SCAF11: variants seen among roughly 807,000 people sequenced by gnomAD.
The protein encoded by SCAF11 is protein SCAF11.
A neutral mutation model predicts 140.5 loss-of-function variants in SCAF11; 47 were observed. The observed-to-expected ratio is 0.33, with a 90% CI of 0.26 to 0.43. The LOEUF is 0.43. Ranked by LOEUF, SCAF11 falls within the 20% of genes least tolerant of loss-of-function variation. The pLI, the probability that SCAF11 is intolerant of heterozygous loss-of-function variation, is 1.00. For synonymous variants in SCAF11, 557 were observed against 579.4 expected (o/e 0.96, Z 0.55); for missense variants, 1,645 against 1,705.1 (o/e 0.96, Z 0.62).
chr12:45,950,797 T>C (rs1011790814), intron 4 of SCAF11, among the ~76,000 whole-genome samples: 3 of 152,142 alleles, frequency 2.0e-5, no homozygotes. Context: ...AATTAAATAG[T>C]TGTACATTGC....
intron 1 of SCAF11, among the ~76,000 whole-genome samples, chr12:45,987,974 TA>T (rs1267574978): frequency 1.1e-4 from 16 of 152,292 alleles, no homozygotes; most frequent in African/African-American, 3.4e-4. Flanking sequence ...AGACACAACT[TA>T]AAAAAATACA....
intron 3 of SCAF11, among the ~76,000 whole-genome samples, chr12:45,957,380 T>G (rs764142120): frequency 1.1e-4 from 17 of 152,184 alleles, no homozygotes; most frequent in Non-Finnish European, 1.5e-5. Flanking sequence ...AGTCCAGATA[T>G]AAGTCAAGAA....
At position 45,978,273 on chromosome 12, in the gene SCAF11, G is replaced by C. The variant is rs540175390; in HGVS notation, c.-22+12080C>G. Among the ~76,000 whole-genome samples the C allele has an allele frequency of 1.2e-4, 18 of 152,228 alleles. 1 individual carries two copies. In the South Asian group the frequency reaches 3.5e-3, roughly 30 times the overall value. ...AGTTATGGAGGACAGAACACAAAGA[G>C]TTGGTTACACAATCTTCATTTATCC... On this transcript the variant is annotated intron_variant, in intron 1 of 14. Coordinates refer to ENST00000369367, the MANE Select transcript of SCAF11 (RefSeq NM_004719.3).
chr12:45,922,339 A>C, intron 14 of SCAF11, 124 bp downstream of exon 14: 1 of 1,482,578 alleles, frequency 6.7e-7, no homozygotes, highest in Non-Finnish European at 9.1e-7. Flanking sequence ...ATCAAAAGGC[A>C]AAAAAGTAGA....
At chr12:45,962,871 A>G (rs1945860210) in intron 2 of SCAF11, among the ~76,000 whole-genome samples, 1 of 152,248 alleles carries the variant, frequency 6.6e-6, no homozygotes, top group South Asian at 2.1e-4. Context: ...GCCCTCATAG[A>G]TTTAATTTAT....
intron 6 of SCAF11, among the ~76,000 whole-genome samples, chr12:45,936,239 T>A (rs1451527360): frequency 6.6e-6 from 1 of 151,988 alleles, no homozygotes; most frequent in East Asian, 1.9e-4. Context: ...CCTCCCAGGT[T>A]CAAGCAATTC....
At chr12:45,933,719 T>C (rs1945107980) in intron 8 of SCAF11, among the ~76,000 whole-genome samples, 1 of 152,160 alleles carries the variant, frequency 6.6e-6, no homozygotes, top group Admixed American at 6.5e-5. Context: ...CACAATCGTA[T>C]TCTGTGCTGC....
intron 12 of SCAF11, among the ~76,000 whole-genome samples, 182 bp downstream of exon 12, chr12:45,924,546 A>T (rs531200017): frequency 6.6e-6 from 1 of 152,262 alleles, no homozygotes; most frequent in South Asian, 2.1e-4. Context: ...TTAATTTTCT[A>T]ATTTGGGAGT....
chr12:45,945,407 C>CT, intron 5 of SCAF11, 94 bp from the exon 6 acceptor site: 1 of 717,340 alleles, frequency 1.4e-6, no homozygotes, highest in Non-Finnish European at 2.4e-6. Context: ...AAAATGAAAT[C>CT]TATCATGCAC....
intron 1 of SCAF11, among the ~76,000 whole-genome samples, chr12:45,972,654 A>G (rs1176525912): frequency 6.7e-6 from 1 of 149,932 alleles, no homozygotes; most frequent in East Asian, 1.9e-4. Context: ...TAGCATTTAA[A>G]CAAAAGACAA....
intron 1 of SCAF11, among the ~76,000 whole-genome samples, chr12:45,967,112 G>A (rs1167283822): frequency 6.6e-6 from 1 of 151,884 alleles, no homozygotes; most frequent in African/African-American, 2.4e-5. Flanking sequence ...TTAAAGTGGG[G>A]TGCATTGGTA....
chr12:45,981,023 A>G (rs1421154091), intron 1 of SCAF11, among the ~76,000 whole-genome samples: 1 of 152,218 alleles, frequency 6.6e-6, no homozygotes, highest in Non-Finnish European at 1.5e-5. Context: ...AAATTAACAA[A>G]ATAAAGAAAT....
intron 4 of SCAF11, among the ~76,000 whole-genome samples, chr12:45,950,917 T>C (rs941191806): frequency 1.3e-5 from 2 of 152,164 alleles, no homozygotes; most frequent in African/African-American, 4.8e-5. Flanking sequence ...ATGTTTATAT[T>C]GAGTACTCTC....
Position 45,931,500 on chromosome 12 carries a change from CTTTACCAAAATG to C in SCAF11, c.835_841+5del, listed in dbSNP as rs773746902. 7.4e-7 allele frequency: 1 copy of C among 1,358,336 alleles called. No homozygotes were observed. Among genetic ancestry groups the C allele is most frequent in the Admixed American group, 2.8e-5 (1 of 35,526 alleles). The allele number at this position is 1,358,336 out of a possible 1,614,324, so 84.1% of individuals were successfully genotyped here. ...TTAAAATAGAAAATGATTTCACAAA[CTTTACCAAAATG>C]TTCGAAAGATATGGTACTTGTTGGA... On this transcript the variant is annotated splice_donor_variant and splice_donor_5th_base_variant and coding_sequence_variant and intron_variant, in exon 10 of 15. Coordinates refer to ENST00000369367, the MANE Select transcript of SCAF11 (RefSeq NM_004719.3). LOFTEE classifies it high-confidence loss of function.
At chr12:45,987,279 T>C (rs1218959284) in intron 1 of SCAF11, among the ~76,000 whole-genome samples, 1 of 152,170 alleles carries the variant, frequency 6.6e-6, no homozygotes, top group Non-Finnish European at 1.5e-5. Flanking sequence ...CAAGGACCCC[T>C]GAAATGAACA....
chr12:45,950,719 G>C (rs1945530488), intron 4 of SCAF11, among the ~76,000 whole-genome samples: 2 of 152,064 alleles, frequency 1.3e-5, no homozygotes, highest in South Asian at 4.1e-4. Context: ...TTTGTACCTT[G>C]CATCAAGATT....
chr12:45,964,461 A>T (rs1945896015), intron 1 of SCAF11, among the ~76,000 whole-genome samples: 1 of 152,226 alleles, frequency 6.6e-6, no homozygotes, highest in Admixed American at 6.5e-5. Flanking sequence ...AGTTCAGGAG[A>T]TCGAGACCAT....
chr12:45,935,795 C>T (rs959316129), intron 6 of SCAF11, among the ~76,000 whole-genome samples: 2 of 152,172 alleles, frequency 1.3e-5, no homozygotes, highest in African/African-American at 2.4e-5. Context: ...TCACATATTT[C>T]TGGGTAATTC....
Position 45,945,262 on chromosome 12 carries a change from C to G in SCAF11, c.450G>C (p.Leu150Phe), listed in dbSNP as rs1366310957. The change falls in exon 6 of 15, where the codon TTG (leucine) becomes TTC (phenylalanine). Residue 150 changes from leucine (L) to phenylalanine (F), a missense_variant. By Grantham distance (22) the Leu-to-Phe change is conservative. Transcript: ENST00000369367. The stretch of plus-strand genomic sequence containing the variant: ...AAAGTAACTTACTATGTATCCACTT[C>G]AAGTCACAAACTTTTGCACTTAATA... Reference protein sequence around the residue: ...EDLLSAKVCDLKWIHRNSLYS... With the variant: ...EDLLSAKVCDFKWIHRNSLYS... 6.3e-7 allele frequency: 1 copy of G among 1,577,456 alleles called. No homozygotes were observed. Among genetic ancestry groups the G allele is most frequent in the Admixed American group, 1.9e-5 (1 of 52,516 alleles).
Sources: gnomAD v4.1 joint callset for allele counts (sites outside exome capture counted in the v4.1 genomes callset) on GRCh38, gnomAD v4.1.1 for gene constraint, MANE v1.5 for transcripts, NCBI Gene and HGNC (gene_info 2026-07-23, HGNC 2026-07-21) for gene names.